VAT1L: variants seen among roughly 807,000 people sequenced by gnomAD.
VAT1L encodes the protein putative NADPH-dependent quinone oxidoreductase VAT1L.
In VAT1L, 34 loss-of-function variants were observed where a neutral mutation model predicts 44.1. The observed-to-expected ratio is 0.77, with a 90% CI of 0.59 to 1.03. The LOEUF (loss-of-function observed/expected upper bound fraction) is 1.03, where lower values mean the gene tolerates loss of function less well. VAT1L is among the 50% of genes least tolerant of loss of function. The pLI is 0.00. For missense variants in VAT1L, 615 were observed against 538.8 expected, an observed-to-expected ratio of 1.14 and a Z score of -1.40; for synonymous variants, 253 against 202.2, an observed-to-expected ratio of 1.25 and a Z score of -2.13.
chr16:77,879,532 C>T lies in VAT1L; in HGVS notation c.882+308C>T, dbSNP rs376299530. 6.0e-4 allele frequency among the ~76,000 whole-genome samples: 92 copies of T among 152,258 alleles called. No individual in the cohort carries two copies. Among genetic ancestry groups the T allele is most frequent in the Middle Eastern group, 6.8e-3 (2 of 294 alleles). On this transcript the variant is annotated intron_variant, in intron 6 of 8. Coordinates refer to ENST00000302536, the MANE Select transcript of VAT1L (RefSeq NM_020927.3). The surrounding 1 kb of genome is among the most constrained non-coding windows in gnomAD (Gnocchi z 4.1). ...TCTCAATCTGACCTCGTGATCTGCC[C>T]GCCTCAGCCTCCCAAAGTGCTGGGA...
At chr16:77,901,227 C>T (rs988762647) in intron 7 of VAT1L, among the ~76,000 whole-genome samples, 46 of 138,950 alleles carry the variant, frequency 3.3e-4, no homozygotes, top group African/African-American at 1.2e-3. Flanking sequence ...GCAGTGGCGA[C>T]ATCTCAGCTC....
Position 77,817,006 on chromosome 16 carries a change from T to G in VAT1L, c.319T>G (p.Ser107Ala), listed in dbSNP as rs772105055. ...TCCCCTGGTGCCAGGATTTGAGTGT[T>G]CTGGGATTGTTGAAGCTCTGGGGGA... Reference protein sequence around the residue: ...KTPLVPGFECSGIVEALGDSV... With the variant: ...KTPLVPGFECAGIVEALGDSV... Residue 107 changes from serine to alanine, a missense_variant, in exon 2 of 9, where the codon TCT (serine) becomes GCT (alanine). Ser to Ala is a moderately conservative substitution (Grantham distance 99). Coordinates refer to ENST00000302536, the MANE Select transcript of VAT1L (RefSeq NM_020927.3). 21 of 1,614,068 alleles carry G rather than the reference T, an allele frequency of 1.3e-5. No homozygotes were observed. The highest frequency in any genetic ancestry group is 1.6e-4 in the Middle Eastern group (1 of 6,062).
intron 1 of VAT1L, among the ~76,000 whole-genome samples, chr16:77,803,695 A>G (rs888489921): frequency 6.6e-6 from 1 of 152,190 alleles, no homozygotes; most frequent in African/African-American, 2.4e-5. Context: ...CTGGGATTAC[A>G]GGCGTGAACC....
At chr16:77,931,238 T>A (rs1156754009) in intron 7 of VAT1L, among the ~76,000 whole-genome samples, 1 of 152,298 alleles carries the variant, frequency 6.6e-6, no homozygotes, top group Non-Finnish European at 1.5e-5. Context: ...TAGCTTTATA[T>A]AAAATGACGT....
intron 7 of VAT1L, among the ~76,000 whole-genome samples, chr16:77,903,498 G>A (rs1470161276): frequency 2.0e-5 from 3 of 152,060 alleles, no homozygotes; most frequent in African/African-American, 4.8e-5. Context: ...AGCACTACTA[G>A]TTACTGAAGA....
intron 4 of VAT1L, among the ~76,000 whole-genome samples, chr16:77,867,675 A>G (rs1178370257): frequency 6.6e-6 from 1 of 152,140 alleles, no homozygotes; most frequent in Non-Finnish European, 1.5e-5. Context: ...CCTGGCCAAC[A>G]TGGTGAAACC....
intron 7 of VAT1L, among the ~76,000 whole-genome samples, chr16:77,901,132 G>T (rs188879386): frequency 6.8e-6 from 1 of 147,296 alleles, no homozygotes; most frequent in South Asian, 2.2e-4. Context: ...GATGGTGGTA[G>T]GTGTGTGACC....
At chr16:77,793,558 C>T (rs1378460091) in intron 1 of VAT1L, among the ~76,000 whole-genome samples, 1 of 152,114 alleles carries the variant, frequency 6.6e-6, no homozygotes, top group Non-Finnish European at 1.5e-5. Context: ...CAGAGGGTCT[C>T]CAGGTTGGGC....
chr16:77,922,950 T>C (rs2017627929), intron 7 of VAT1L, among the ~76,000 whole-genome samples: 1 of 152,164 alleles, frequency 6.6e-6, no homozygotes, highest in Admixed American at 6.5e-5. Flanking sequence ...GACCTGTTTG[T>C]TCAATCTTCG....
chr16:77,797,486 T>C (rs1475245024), intron 1 of VAT1L, among the ~76,000 whole-genome samples: 2 of 152,208 alleles, frequency 1.3e-5, no homozygotes, highest in Non-Finnish European at 2.9e-5. Flanking sequence ...GACTGATCTA[T>C]TGCTGCCCTC....
intron 7 of VAT1L, among the ~76,000 whole-genome samples, chr16:77,909,447 G>A (rs1345490607): frequency 6.6e-6 from 1 of 151,974 alleles, no homozygotes; most frequent in Non-Finnish European, 1.5e-5. Context: ...GACCAGCCTG[G>A]CCAACATGGT....
At chr16:77,866,809 TGAAACCAAGCCAAAGCGTTA>T (rs948929376) in intron 4 of VAT1L, among the ~76,000 whole-genome samples, 2 of 151,920 alleles carry the variant, frequency 1.3e-5, no homozygotes, top group African/African-American at 4.8e-5. Context: ...TGATTATGAG[TGAAACCAAGCCAAAGCGTTA>T]GAAACCTTGA....
At chr16:77,826,484 T>G (rs1234716726) in intron 3 of VAT1L, among the ~76,000 whole-genome samples, 1 of 152,226 alleles carries the variant, frequency 6.6e-6, no homozygotes, top group Non-Finnish European at 1.5e-5. Context: ...TACATAAACC[T>G]AAGTACATTC....
At chr16:77,934,436 T>C (rs1356365494) in intron 7 of VAT1L, among the ~76,000 whole-genome samples, 2 of 151,960 alleles carry the variant, frequency 1.3e-5, no homozygotes, top group Admixed American at 6.6e-5. Context: ...AGCCAAGGAA[T>C]GCAAGCAGAA....
chr16:77,950,455 C>CACACACACACACAG (rs1567519674), intron 7 of VAT1L, among the ~76,000 whole-genome samples: 2 of 142,978 alleles, frequency 1.4e-5, no homozygotes, highest in African/African-American at 5.2e-5. Context: ...CACACACACA[C>CACACACACACACAG]AGTTATAATG....
chr16:77,859,368 C>G (rs2016893192), intron 3 of VAT1L, among the ~76,000 whole-genome samples: 1 of 152,038 alleles, frequency 6.6e-6, no homozygotes, highest in South Asian at 2.1e-4. Context: ...ATGCCATGCT[C>G]ATGGCAAATG....
chr16:77,929,587 T>C (rs1039007041), intron 7 of VAT1L, among the ~76,000 whole-genome samples: 7 of 152,022 alleles, frequency 4.6e-5, no homozygotes, highest in African/African-American at 1.2e-4. Flanking sequence ...CTCAAGACAC[T>C]AACATTTTCA....
chr16:77,818,885 T>C (rs2016400438), intron 2 of VAT1L, among the ~76,000 whole-genome samples: 1 of 152,202 alleles, frequency 6.6e-6, no homozygotes, highest in Non-Finnish European at 1.5e-5. Flanking sequence ...TGGAATTCCT[T>C]GCAGCAGCAC....
At chr16:77,814,438 CTT>C (rs2145232237) in intron 1 of VAT1L, among the ~76,000 whole-genome samples, 2 of 152,280 alleles carry the variant, frequency 1.3e-5, no homozygotes, top group South Asian at 4.1e-4. Context: ...GTGTTAGCCT[CTT>C]CTCATTGGAA....
Sources: allele counts gnomAD v4.1 joint callset (sites outside exome capture counted in the v4.1 genomes callset), GRCh38; gene constraint gnomAD v4.1.1; non-coding constraint Gnocchi (gnomAD v3.1); transcripts MANE v1.5; gene names NCBI Gene and HGNC (gene_info 2026-07-23, HGNC 2026-07-21).